Variants in USP4 observed in about 807,000 individuals in gnomAD.
The protein encoded by USP4 is ubiquitin carboxyl-terminal hydrolase 4.
In USP4, 72 loss-of-function variants were observed where a neutral mutation model predicts 118.2. The ratio of observed to expected loss-of-function variants is 0.61; its 90% CI spans 0.50 to 0.74. The LOEUF is 0.74. Among genes scored for constraint, USP4 ranks in the 30% least tolerant of loss-of-function variants. The pLI is 0.00. For synonymous variants in USP4, 415 were observed against 440.4 expected (o/e 0.94, Z 0.72); for missense variants, 1,037 against 1,185.7 (o/e 0.87, Z 1.84).
intron 6 of USP4, among the ~76,000 whole-genome samples, chr3:49,323,485 A>G (rs1317418411): frequency 6.6e-6 from 1 of 152,004 alleles, no homozygotes; most frequent in Non-Finnish European, 1.5e-5. Context: ...TGACATAATG[A>G]CAGATTCTGA....
At chr3:49,297,246 G>A (rs2047219785) in intron 13 of USP4, among the ~76,000 whole-genome samples, 1 of 152,154 alleles carries the variant, frequency 6.6e-6, no homozygotes, top group Non-Finnish European at 1.5e-5. Context: ...GGAGCAGCCG[G>A]CAAGTTATTA....
At chr3:49,331,383 G>A (rs1331948035) in intron 2 of USP4, among the ~76,000 whole-genome samples, 2 of 151,894 alleles carry the variant, frequency 1.3e-5, no homozygotes, top group African/African-American at 4.8e-5. Context: ...CACTTAGGGA[G>A]GTCAAGGCGG....
intron 13 of USP4, among the ~76,000 whole-genome samples, chr3:49,295,714 G>GCGCGCACACACACACA (rs149459963): frequency 6.0e-4 from 89 of 148,398 alleles, no homozygotes; most frequent in Middle Eastern, 3.4e-3. Flanking sequence ...GCGCGCGCGC[G>GCGCGCACACACACACA]CACACACACA....
At chr3:49,334,398 T>C (rs917719137) in intron 2 of USP4, among the ~76,000 whole-genome samples, 1 of 152,162 alleles carries the variant, frequency 6.6e-6, no homozygotes, top group Non-Finnish European at 1.5e-5. Context: ...GTAAATGATA[T>C]TGTTTATACC....
chr3:49,333,663 A>G (rs1283774547), intron 2 of USP4, among the ~76,000 whole-genome samples: 1 of 152,208 alleles, frequency 6.6e-6, no homozygotes, highest in African/African-American at 2.4e-5. Context: ...GCGAGAATAC[A>G]CACAATAATT....
chr3:49,312,207 C>A, intron 6 of USP4: 1 of 248,670 alleles, frequency 4.0e-6, no homozygotes, highest in Non-Finnish European at 8.2e-6. Context: ...CCTTGTAATC[C>A]CAGCACTTTG....
chr3:49,280,851 A>G lies in USP4; in HGVS notation c.2541-4T>C. 6.2e-7 allele frequency: 1 copy of G among 1,613,518 alleles called. No individual in the cohort carries two copies. Among genetic ancestry groups the G allele is most frequent in the Non-Finnish European group, 8.5e-7 (1 of 1,179,490 alleles). ...AAACTCGGACATGTTCAGCCCTCTG[A>G]GCACAAAACACAAAAATAGTTATTG... On this transcript the variant is annotated splice_region_variant and splice_polypyrimidine_tract_variant and intron_variant, in intron 19 of 21. Transcript: ENST00000265560.
At chr3:49,281,531 CAT>C (rs1374032719) in intron 19 of USP4, among the ~76,000 whole-genome samples, 1,535 of 135,366 alleles carry the variant, frequency 0.011, 17 homozygotes, top group South Asian at 0.041. Context: ...CACACACACA[CAT>C]ATATACATTT....
At chr3:49,309,619 C>T (rs983303141) in intron 8 of USP4, among the ~76,000 whole-genome samples, 8 of 79,356 alleles carry the variant, frequency 1.0e-4, no homozygotes, top group African/African-American at 1.5e-4. Flanking sequence ...GGCGGGACAG[C>T]TTTTTTTTTT....
At chr3:49,284,383 G>T in intron 18 of USP4, 83 bp downstream of exon 18, 1 of 1,152,188 alleles carries the variant, frequency 8.7e-7, no homozygotes, top group Non-Finnish European at 1.3e-6. Context: ...AAATACAAAG[G>T]GGTTTATGTG....
At chr3:49,309,928 G>T (rs891158217) in intron 8 of USP4, among the ~76,000 whole-genome samples, 11 of 73,258 alleles carry the variant, frequency 1.5e-4, no homozygotes, top group Non-Finnish European at 2.7e-4. Context: ...TGCTGCCCCC[G>T]GACTTTTTTT....
At chr3:49,319,312 G>A (rs1162767153) in intron 6 of USP4, among the ~76,000 whole-genome samples, 3 of 150,922 alleles carry the variant, frequency 2.0e-5, no homozygotes, top group Admixed American at 2.0e-4. Flanking sequence ...GCAGTGGCGC[G>A]ATCTCGGCTG....
chr3:49,314,511 G>A (rs753859675), intron 6 of USP4, among the ~76,000 whole-genome samples: 3 of 152,170 alleles, frequency 2.0e-5, no homozygotes, highest in African/African-American at 4.8e-5. Context: ...TGTCCAGTGA[G>A]ATGTCCAATG....
intron 6 of USP4, chr3:49,312,319 T>C (rs967786403): frequency 1.1e-5 from 4 of 355,488 alleles, no homozygotes; most frequent in African/African-American, 8.6e-5. Context: ...TGAAACCACA[T>C]CTCTACTAAA....
chr3:49,339,622 T>C (rs544366363), intron 1 of USP4, among the ~76,000 whole-genome samples: 7 of 152,248 alleles, frequency 4.6e-5, no homozygotes, highest in African/African-American at 1.4e-4. Flanking sequence ...CGAGTCCTCA[T>C]GGTAAAGGGC....
intron 6 of USP4, among the ~76,000 whole-genome samples, chr3:49,314,509 G>A (rs1019584780): frequency 1.3e-5 from 2 of 152,178 alleles, no homozygotes; most frequent in Non-Finnish European, 2.9e-5. Flanking sequence ...CCTGTCCAGT[G>A]AGATGTCCAA....
At chr3:49,309,943 C>CTTTTTTTTTTTTTTTTATTTTTTTTTTTT (rs2047366410) in intron 8 of USP4, among the ~76,000 whole-genome samples, 1 of 40,236 alleles carries the variant, frequency 2.5e-5, no homozygotes, top group Non-Finnish European at 4.0e-5. Context: ...TTTTTTTAAT[C>CTTTTTTTTTTTTTTTTATTTTTTTTTTTT]TTTTTTTTTT....
rs747347571 is a variant in USP4 at position 49,311,637 on chromosome 3, C to T, written c.713G>A (p.Ser238Asn). ...TTTTGGAGAGGTAGTAAAATTTCTG[C>T]TAGGCGCAGTGCTTGATCTGGGAGA... is the stretch of plus-strand genomic sequence containing the variant. ...TLQSKSSTAP[S>N]RNFTTSPKSS... The change falls in exon 7 of 22, where the codon AGC becomes AAC. Residue 238 changes from serine to asparagine, a missense_variant. Around this residue, in one of 3 missense-constraint regions of USP4, gnomAD observed 487 missense variants for 534.1 expected, o/e 0.91. Coordinates refer to ENST00000265560, the MANE Select transcript of USP4 (RefSeq NM_003363.4). 6 of 1,613,718 alleles carry T rather than the reference C, an allele frequency of 3.7e-6. No homozygotes were observed. The African/African-American group carries it at 6.7e-5, about 18-fold the overall frequency.
intron 8 of USP4, among the ~76,000 whole-genome samples, chr3:49,308,591 T>A (rs2047345978): frequency 6.6e-6 from 1 of 151,344 alleles, no homozygotes; most frequent in Non-Finnish European, 1.5e-5. Context: ...AGTGCTGGGA[T>A]TACAGGCGTG....
Sources: gnomAD v4.1 joint callset for allele counts (sites outside exome capture counted in the v4.1 genomes callset) on GRCh38, gnomAD v4.1.1 for gene constraint, gnomAD v4.1.1 regional missense constraint, MANE v1.5 for transcripts, NCBI Gene and HGNC (gene_info 2026-07-23, HGNC 2026-07-21) for gene names.